Variants in KCNH7 observed in about 807,000 individuals in gnomAD.
KCNH7 encodes the protein voltage-gated inwardly rectifying potassium channel KCNH7.
Under a neutral mutation model 120.8 loss-of-function variants are expected in KCNH7, and 49 were observed. The observed-to-expected ratio is 0.41, with a 90% CI of 0.32 to 0.51. The LOEUF is 0.51. Ranked by LOEUF, KCNH7 falls within the 20% of genes least tolerant of loss-of-function variation. The pLI is 0.38. For missense variants in KCNH7, 1,097 were observed against 1,446.6 expected (o/e 0.76, Z 3.92); for synonymous variants, 547 against 516.1 (o/e 1.06, Z -0.81).
At position 162,384,734 on chromosome 2, in the gene KCNH7, G is replaced by C. The variant is rs1320094873; in HGVS notation, c.2916C>G (p.Pro972=). The change falls in exon 13 of 16, where the codon CCC becomes CCG. Residue 972 remains proline (P), a synonymous_variant. Coordinates refer to ENST00000332142, the MANE Select transcript of KCNH7 (RefSeq NM_033272.4). ...TATCTATGTGCATTCTTCCTGAGGT[G>C]GGCACTGTTTCTTCAAAATCGAGCC... The part of the protein sequence containing the change: ...ASGLDFEETV[P]TSGRMHIDKR... 1.9e-6 allele frequency: 3 copies of C among 1,612,618 alleles called. No individual in the cohort carries two copies. The East Asian group carries it at 6.7e-5, about 36-fold the overall frequency.
chr2:162,476,305 C>G (rs1466877098), intron 6 of KCNH7, among the ~76,000 whole-genome samples: 1 of 152,118 alleles, frequency 6.6e-6, no homozygotes, highest in African/African-American at 2.4e-5. Flanking sequence ...AAGACATATT[C>G]ATTATACCAG....
rs186698160 is a variant in KCNH7, at chr2:162,703,370, G to T, written c.307+133167C>A. Among the ~76,000 whole-genome samples, 312 of 152,080 alleles carry T rather than the reference G, an allele frequency of 2.1e-3. 2 individuals carry two copies. The highest frequency in any genetic ancestry group is 7.2e-3 in the African/African-American group (298 of 41,504). The stretch of plus-strand genomic sequence containing the variant: ...ACTCTAGGTTTAATGGTATAACAGG[G>T]TATAATAACACTCATGTCTCAACTC... On this transcript the variant is annotated intron_variant, in intron 2 of 15. Transcript: ENST00000332142.
At chr2:162,437,742 T>C (rs1040767458) in intron 7 of KCNH7, among the ~76,000 whole-genome samples, 54 of 152,192 alleles carry the variant, frequency 3.5e-4, no homozygotes, top group Non-Finnish European at 1.3e-4. Context: ...TTTACATTTT[T>C]CTTTCCATCA....
At position 162,425,602 on chromosome 2, in the gene KCNH7, T is replaced by C. The variant is rs1271882959; in HGVS notation, c.1955-2067A>G. 2.0e-5 allele frequency among the ~76,000 whole-genome samples: 3 copies of C among 152,182 alleles called. No homozygotes were observed. The East Asian group carries it at 5.8e-4, about 29-fold the overall frequency. On this transcript the variant is annotated intron_variant, in intron 8 of 15. Coordinates refer to ENST00000332142, the MANE Select transcript of KCNH7 (RefSeq NM_033272.4). ...GGGGAAACAATTACGTGTGATGCTA[T>C]GTTTCCAAAATACCTATCATGTGCT...
rs190572863 is a variant in KCNH7 at position 162,623,963 on chromosome 2, C to T, written c.308-86883G>A. On this transcript the variant is annotated intron_variant, in intron 2 of 15. Transcript: ENST00000332142. ...AAGAATCAGAAATAATCAATTAAAA[C>T]GTTTTAAACTGTACACCATTCTGGT... Among the ~76,000 whole-genome samples the T allele has an allele frequency of 9.8e-4, 149 of 152,260 alleles. 1 individual carries two copies. Among genetic ancestry groups the T allele is most frequent in the Non-Finnish European group, 4.1e-4 (28 of 68,016 alleles).
chr2:162,480,279 C>T (rs1689888853), intron 6 of KCNH7, among the ~76,000 whole-genome samples: 2 of 152,070 alleles, frequency 1.3e-5, no homozygotes, highest in South Asian at 4.1e-4. Context: ...ACAGGAAGCT[C>T]CTCACAATTG....
chr2:162,570,013 T>C (rs1328726152), intron 2 of KCNH7, among the ~76,000 whole-genome samples: 1 of 139,302 alleles, frequency 7.2e-6, no homozygotes, highest in Non-Finnish European at 1.5e-5. Flanking sequence ...TCTGTTGATT[T>C]GGGGTGGAGA....
rs1203684191 is a variant in KCNH7 at position 162,401,851 on chromosome 2, AC to A, written c.2155-1411del. ...GGTTGACTCTTGTACAAGTCACTTC[AC>A]CAATCTGTGTTTCTCTACCGTAGAA... is the stretch of plus-strand genomic sequence containing the variant. On this transcript the variant is annotated intron_variant, in intron 9 of 15. Coordinates refer to ENST00000332142, the MANE Select transcript of KCNH7 (RefSeq NM_033272.4). 5.3e-5 allele frequency among the ~76,000 whole-genome samples: 8 copies of A among 151,862 alleles called. No individual in the cohort carries two copies. The South Asian group carries it at 6.2e-4, about 12-fold the overall frequency.
intron 2 of KCNH7, among the ~76,000 whole-genome samples, chr2:162,563,268 A>G (rs117460663): frequency 6.6e-6 from 1 of 152,194 alleles, no homozygotes; most frequent in Non-Finnish European, 1.5e-5. Flanking sequence ...AAATCATATA[A>G]TGGCTTATAC....
intron 13 of KCNH7, among the ~76,000 whole-genome samples, 195 bp from the exon 14 acceptor site, chr2:162,380,216 C>T (rs1573892595): frequency 1.3e-5 from 2 of 152,180 alleles, no homozygotes; most frequent in Admixed American, 1.3e-4. Flanking sequence ...CTGGCCCTAC[C>T]TCCCATATCC....
intron 2 of KCNH7, among the ~76,000 whole-genome samples, chr2:162,684,004 T>C (rs1052106923): frequency 7.2e-5 from 11 of 151,978 alleles, no homozygotes; most frequent in Non-Finnish European, 1.5e-4. Flanking sequence ...AACAGAGATA[T>C]AGACCAATGG....
At chr2:162,814,962 C>T (rs1684867154) in intron 2 of KCNH7, among the ~76,000 whole-genome samples, 1 of 152,142 alleles carries the variant, frequency 6.6e-6, no homozygotes, top group East Asian at 1.9e-4. Context: ...ATTTTCCTTA[C>T]ACCTCAGGGT....
intron 7 of KCNH7, among the ~76,000 whole-genome samples, chr2:162,445,728 T>C (rs77506733): frequency 0.018 from 2,765 of 152,270 alleles, 29 homozygotes; most frequent in Non-Finnish European, 0.028. Flanking sequence ...AGTTAATAAG[T>C]AGAGATTTTA....
intron 2 of KCNH7, among the ~76,000 whole-genome samples, chr2:162,552,251 A>G (rs959925820): frequency 1.8e-4 from 28 of 152,276 alleles, no homozygotes; most frequent in African/African-American, 6.3e-4. Context: ...CACTTGCCCA[A>G]ATATATCTGG....
At chr2:162,546,541 C>T (rs904748257) in intron 2 of KCNH7, among the ~76,000 whole-genome samples, 1 of 152,042 alleles carries the variant, frequency 6.6e-6, no homozygotes, top group Non-Finnish European at 1.5e-5. Flanking sequence ...AAGGTCAAGC[C>T]GCAGTGAGAA....
chr2:162,836,792 T>C, intron 1 of KCNH7, 25 bp from the exon 2 acceptor site: 4 of 1,539,848 alleles, frequency 2.6e-6, no homozygotes, highest in Non-Finnish European at 3.6e-6. Context: ...CAGTATGGCA[T>C]CTTTGAAAAA....
intron 2 of KCNH7, among the ~76,000 whole-genome samples, chr2:162,775,645 C>A (rs1683207421): frequency 6.6e-6 from 1 of 152,146 alleles, no homozygotes. Flanking sequence ...GATGATTATA[C>A]TTTTTAGGCA....
rs370893675 is a variant in KCNH7 at position 162,523,577 on chromosome 2, C to T, written c.464-5419G>A. 9.9e-5 allele frequency among the ~76,000 whole-genome samples: 15 copies of T among 151,498 alleles called. No homozygotes were observed. The East Asian group carries it at 2.4e-3, about 24-fold the overall frequency. On this transcript the variant is annotated intron_variant, in intron 3 of 15. Coordinates refer to ENST00000332142, the MANE Select transcript of KCNH7 (RefSeq NM_033272.4). ...CTCTCTCTCTCTCCCTACTTCTTTC[C>T]TGTGTGAATTGATTCTCATCTATTA... is the stretch of plus-strand genomic sequence containing the variant.
rs1156723808 is a variant in KCNH7 at position 162,536,917 on chromosome 2, T to C, written c.463+8A>G. 3.1e-6 allele frequency: 5 copies of C among 1,610,560 alleles called. No individual in the cohort carries two copies. Among genetic ancestry groups the C allele is most frequent in the Non-Finnish European group, 4.2e-6 (5 of 1,177,444 alleles). ...AAGAGCATTGAGTACACATTGCCTT[T>C]TACTTACGGTTTACAGTTTTGATTG... On this transcript the variant is annotated splice_region_variant and intron_variant, in intron 3 of 15. Transcript: ENST00000332142.
Sources: allele counts gnomAD v4.1 joint callset (sites outside exome capture counted in the v4.1 genomes callset), GRCh38; gene constraint gnomAD v4.1.1; transcripts MANE v1.5; gene names NCBI Gene and HGNC (gene_info 2026-07-23, HGNC 2026-07-21).